Variants in SASS6 observed in about 807,000 individuals in gnomAD.
The protein encoded by SASS6 is spindle assembly abnormal protein 6 homolog.
Under a neutral mutation model 94.9 loss-of-function variants are expected in SASS6, and 59 were observed. That is an observed-to-expected ratio of 0.62 (90% confidence interval 0.50 to 0.77). The LOEUF (loss-of-function observed/expected upper bound fraction) is 0.77, where lower values mean the gene tolerates loss of function less well. Among genes scored for constraint, SASS6 ranks in the 30% least tolerant of loss-of-function variants. The pLI, the probability that SASS6 is intolerant of heterozygous loss-of-function variation, is 0.00. For synonymous variants in SASS6, 264 were observed against 270.0 expected (o/e 0.98, Z 0.22); for missense variants, 698 against 734.1 (o/e 0.95, Z 0.57).
At chr1:100,130,103 A>G (rs1654889268) in intron 1 of SASS6, among the ~76,000 whole-genome samples, 1 of 152,206 alleles carries the variant, frequency 6.6e-6, no homozygotes, top group South Asian at 2.1e-4. Context: ...ATTGTACAAG[A>G]TCTGTCAGTA....
At position 100,088,358 on chromosome 1, in the gene SASS6, A is replaced by G. The variant is rs957657372; in HGVS notation, c.1675-122T>C. On this transcript the variant is annotated intron_variant, in intron 14 of 16. Coordinates refer to ENST00000287482, the MANE Select transcript of SASS6 (RefSeq NM_194292.3). ...TAAGCTGGAGTAAAGTGGCATAATCACGGTTCACTGCAGTCCCAATCTCCT... is the reference window on the plus strand; with the variant it reads ...TAAGCTGGAGTAAAGTGGCATAATCGCGGTTCACTGCAGTCCCAATCTCCT... The G allele has an allele frequency of 1.2e-4, 69 of 567,706 alleles. No individual in the cohort carries two copies. The African/African-American group carries it at 1.3e-3, about 10-fold the overall frequency. 35.2% of individuals were successfully genotyped at this position (567,706 alleles called of 1,614,324 possible).
At chr1:100,117,478 C>A (rs1653885754) in intron 7 of SASS6, among the ~76,000 whole-genome samples, 1 of 151,756 alleles carries the variant, frequency 6.6e-6, no homozygotes, top group Non-Finnish European at 1.5e-5. Flanking sequence ...GGGTTAAACT[C>A]ATCTCTACTA....
At chr1:100,096,136 C>A (rs995590763) in intron 14 of SASS6, among the ~76,000 whole-genome samples, 1 of 152,106 alleles carries the variant, frequency 6.6e-6, no homozygotes, top group African/African-American at 2.4e-5. Context: ...TACTGACTTT[C>A]AAAACTTTTA....
At chr1:100,099,005 C>CT (rs200752233) in intron 14 of SASS6, among the ~76,000 whole-genome samples, 2,017 of 152,304 alleles carry the variant, frequency 0.013, 35 homozygotes, top group Middle Eastern at 0.027. Context: ...ACAGTAGGGA[C>CT]TTTTAGATAG....
At chr1:100,122,573 G>C in intron 3 of SASS6, 89 bp from the exon 4 acceptor site, 1 of 389,804 alleles carries the variant, frequency 2.6e-6, no homozygotes, top group East Asian at 4.6e-5. Context: ...TTTTTTTTGA[G>C]ATAGAGGCTC....
chr1:100,105,689 G>A, intron 13 of SASS6, 78 bp downstream of exon 13: 1 of 1,418,820 alleles, frequency 7.0e-7, no homozygotes, highest in Non-Finnish European at 9.8e-7. Flanking sequence ...TTAAATCATG[G>A]AAACTTCCTA....
intron 14 of SASS6, among the ~76,000 whole-genome samples, chr1:100,098,720 T>C (rs1000772030): frequency 6.6e-6 from 1 of 151,752 alleles, no homozygotes; most frequent in Admixed American, 6.6e-5. Flanking sequence ...TTATAGTACA[T>C]CCGTATACTG....
intron 14 of SASS6, among the ~76,000 whole-genome samples, chr1:100,089,865 T>G (rs532690513): frequency 6.6e-6 from 1 of 151,906 alleles, no homozygotes; most frequent in East Asian, 1.9e-4. Flanking sequence ...TTTTCTTCAT[T>G]GCTTAATGTC....
chr1:100,085,640 A>G lies in SASS6; in HGVS notation c.1773-10T>C. ...CCCTACATTTTCACCACTTAAAAAGAAAATGGTAATAACTTATTTAACAAA... is the reference window on the plus strand; with the variant it reads ...CCCTACATTTTCACCACTTAAAAAGGAAATGGTAATAACTTATTTAACAAA... On this transcript the variant is annotated splice_polypyrimidine_tract_variant and intron_variant, in intron 15 of 16. Transcript: ENST00000287482. 1 of 1,514,592 alleles carries G rather than the reference A, an allele frequency of 6.6e-7. No individual in the cohort carries two copies. Among genetic ancestry groups the G allele is most frequent in the South Asian group, 1.1e-5 (1 of 87,968 alleles). 93.8% of individuals were successfully genotyped at this position (1,514,592 alleles called of 1,614,324 possible).
rs1653222857 is a variant in SASS6, at chr1:100,110,293, T to G, written c.860A>C (p.Glu287Ala). 6.5e-7 allele frequency: 1 copy of G among 1,547,936 alleles called. No individual in the cohort carries two copies. The highest frequency in any genetic ancestry group is 8.7e-7 in the Non-Finnish European group (1 of 1,149,776). The change falls in exon 8 of 17, where the codon GAG becomes GCG. Residue 287 changes from glutamate to alanine, a missense_variant and splice_region_variant. Transcript: ENST00000287482. ...ELKAKLSGVE[E>A]ELQRTKQEVL... is the part of the protein sequence containing the mutation. ...AGGAAAAAAAACAACATTCAATACC[T>G]CTTCAACACCAGAAAGTTTTGCTTT...
intron 1 of SASS6, among the ~76,000 whole-genome samples, chr1:100,131,708 G>A (rs1655044313): frequency 6.6e-6 from 1 of 152,170 alleles, no homozygotes; most frequent in Admixed American, 6.5e-5. Flanking sequence ...GCTTGCCATT[G>A]ATTTTTGACC....
intron 1 of SASS6, among the ~76,000 whole-genome samples, chr1:100,130,561 C>A (rs1448319106): frequency 1.3e-5 from 2 of 151,880 alleles, no homozygotes; most frequent in African/African-American, 4.8e-5. Flanking sequence ...TGGTGGTATG[C>A]GCCTGTAATT....
At chr1:100,131,588 TA>T (rs1215886833) in intron 1 of SASS6, among the ~76,000 whole-genome samples, 1 of 152,208 alleles carries the variant, frequency 6.6e-6, no homozygotes, top group African/African-American at 2.4e-5. Flanking sequence ...AAATGTCTAA[TA>T]ACCACATGTG....
Position 100,085,267 on chromosome 1 carries a change from C to A in SASS6, c.*61G>T. 9.8e-7 allele frequency: 1 copy of A among 1,024,174 alleles called. No individual in the cohort carries two copies. The highest frequency in any genetic ancestry group is 1.6e-6 in the Non-Finnish European group (1 of 644,370). The allele number at this position is 1,024,174 out of a possible 1,614,324, so 63.4% of individuals were successfully genotyped here. On this transcript the variant is annotated 3_prime_UTR_variant, in exon 17 of 17. Coordinates refer to ENST00000287482, the MANE Select transcript of SASS6 (RefSeq NM_194292.3). ...TATTTGAGGATCTGGTTTGTGTTGA[C>A]ATATTTTTTAAGCACCTGAGTTTCT...
chr1:100,085,185 A>G lies in SASS6; in HGVS notation c.*143T>C. ...TTGTTCCTATATTATAAACTGCCAT[A>G]AAAGCAGTACTTAAAGTATCCAGTC... On this transcript the variant is annotated 3_prime_UTR_variant, in exon 17 of 17. Transcript: ENST00000287482. 1 of 629,946 alleles carries G rather than the reference A, an allele frequency of 1.6e-6. No homozygotes were observed. Among genetic ancestry groups the G allele is most frequent in the Non-Finnish European group, 2.9e-6 (1 of 349,038 alleles). 39.0% of individuals were successfully genotyped at this position (629,946 alleles called of 1,614,324 possible). A position where few individuals can be genotyped will look rare whatever the true frequency, so the allele number is the denominator to read the frequency against.
At chr1:100,094,927 A>G (rs1367825606) in intron 14 of SASS6, among the ~76,000 whole-genome samples, 1 of 152,092 alleles carries the variant, frequency 6.6e-6, no homozygotes, top group African/African-American at 2.4e-5. Flanking sequence ...TATAAAAAGA[A>G]TACACCATGA....
At chr1:100,120,635 C>T (rs898952858) in intron 5 of SASS6, among the ~76,000 whole-genome samples, 176 bp from the exon 6 acceptor site, 1 of 152,196 alleles carries the variant, frequency 6.6e-6, no homozygotes, top group South Asian at 2.1e-4. Flanking sequence ...GTTTGACATG[C>T]ACTGATCTAT....
chr1:100,088,375 C>T, intron 14 of SASS6, 139 bp from the exon 15 acceptor site: 1 of 520,690 alleles, frequency 1.9e-6, no homozygotes, highest in East Asian at 3.0e-5. Context: ...ACTGCAGTCC[C>T]AATCTCCTGG....
At chr1:100,093,003 C>T (rs1651847852) in intron 14 of SASS6, among the ~76,000 whole-genome samples, 1 of 152,010 alleles carries the variant, frequency 6.6e-6, no homozygotes, top group South Asian at 2.1e-4. Context: ...GGCAAAGGGA[C>T]TGTATGGTGG....
Sources: gnomAD v4.1 joint callset for allele counts (sites outside exome capture counted in the v4.1 genomes callset) on GRCh38, gnomAD v4.1.1 for gene constraint, MANE v1.5 for transcripts, NCBI Gene and HGNC (gene_info 2026-07-23, HGNC 2026-07-21) for gene names.